PRKD3: variants seen among roughly 807,000 people sequenced by gnomAD.
PRKD3 encodes serine/threonine-protein kinase D3.
In PRKD3, 47 loss-of-function variants were observed where a neutral mutation model predicts 99.2. The ratio of observed to expected loss-of-function variants is 0.47; its 90% CI spans 0.38 to 0.60. The LOEUF is 0.60. Ranked by LOEUF, PRKD3 falls within the 20% of genes least tolerant of loss-of-function variation. PRKD3 has a pLI of 0.00. For missense variants in PRKD3, 1,019 were observed against 1,088.4 expected (o/e 0.94, Z 0.90); for synonymous variants, 392 against 355.4 (o/e 1.10, Z -1.16).
chr2:37,260,755 C>CT (rs2148496467), intron 14 of PRKD3, among the ~76,000 whole-genome samples: 1 of 152,296 alleles, frequency 6.6e-6, no homozygotes, highest in East Asian at 1.9e-4. Context: ...ACCTTTGACT[C>CT]TTGGGGGCTG....
intron 5 of PRKD3, among the ~76,000 whole-genome samples, 158 bp downstream of exon 5, chr2:37,289,198 C>T (rs758859816): frequency 1.3e-5 from 2 of 152,024 alleles, no homozygotes; most frequent in African/African-American, 2.4e-5. Flanking sequence ...TCATTACTAC[C>T]GGTAAGTCCT....
chr2:37,316,485 C>A lies in PRKD3; in HGVS notation c.40G>T (p.Val14Leu). 6.2e-7 allele frequency: 1 copy of A among 1,614,264 alleles called. No homozygotes were observed. The highest frequency in any genetic ancestry group is 1.1e-5 in the South Asian group (1 of 91,088). Residue 14 changes from valine (V) to leucine (L), a missense_variant, in exon 2 of 19, where the codon GTA becomes TTA. By Grantham distance (32) the Val-to-Leu change is conservative (BLOSUM62 1). Around this residue, in one of 3 missense-constraint regions of PRKD3, gnomAD observed 710 missense variants for 692.7 expected, o/e 1.02. Coordinates refer to ENST00000234179, the MANE Select transcript of PRKD3 (RefSeq NM_005813.6). Reference sequence around the variant, plus strand: ...ACAGCAGGAATAGCTGTGGGTAATACAGACTTCTGGGCTGATGGAGGGGAA... The same window carrying A: ...ACAGCAGGAATAGCTGTGGGTAATAAAGACTTCTGGGCTGATGGAGGGGAA... Reference protein sequence around the residue: ...NNSPPSAQKSVLPTAIPAVLP... With the variant: ...NNSPPSAQKSLLPTAIPAVLP...
intron 2 of PRKD3, among the ~76,000 whole-genome samples, chr2:37,313,449 T>C (rs936043371): frequency 6.6e-6 from 1 of 151,596 alleles, no homozygotes; most frequent in African/African-American, 2.4e-5. Context: ...AAGGGACAAA[T>C]AGAAAACAGC....
chr2:37,271,848 C>G (rs1219621474), intron 12 of PRKD3, among the ~76,000 whole-genome samples: 2 of 152,190 alleles, frequency 1.3e-5, no homozygotes, highest in African/African-American at 2.4e-5. Context: ...AAGGTACTTA[C>G]TAAAAAGTTT....
intron 14 of PRKD3, 30 bp from the exon 15 acceptor site, chr2:37,260,414 A>G: frequency 1.3e-6 from 2 of 1,574,512 alleles, no homozygotes; most frequent in South Asian, 1.1e-5. Context: ...TACATGAGCA[A>G]CTTAAGCAGA....
intron 2 of PRKD3, among the ~76,000 whole-genome samples, chr2:37,315,105 A>AT (rs1671601329): frequency 6.6e-6 from 1 of 152,256 alleles, no homozygotes; most frequent in Non-Finnish European, 1.5e-5. Flanking sequence ...CCAGAGAGAG[A>AT]TGATTTTTGC....
chr2:37,317,073 G>A lies in PRKD3; in HGVS notation c.-549C>T. ...GTCCTCATTTTCATTCTGGGGGGATGAACTTTTCTATGACGAAATACAAAG... is the reference window on the plus strand; with the variant it reads ...GTCCTCATTTTCATTCTGGGGGGATAAACTTTTCTATGACGAAATACAAAG... On this transcript the variant is annotated 5_prime_UTR_variant, in exon 2 of 19. Transcript: ENST00000234179. 9 of 985,472 alleles carry A rather than the reference G, an allele frequency of 9.1e-6. No homozygotes were observed. Among genetic ancestry groups the A allele is most frequent in the Non-Finnish European group, 1.1e-5 (9 of 830,016 alleles). 61.0% of individuals were successfully genotyped at this position (985,472 alleles called of 1,614,324 possible). A position where few individuals can be genotyped will look rare whatever the true frequency, so the allele number is the denominator to read the frequency against.
At chr2:37,256,639 T>C (rs759733916) in intron 17 of PRKD3, 23 bp downstream of exon 17, 1 of 1,312,232 alleles carries the variant, frequency 7.6e-7, no homozygotes, top group Non-Finnish European at 9.8e-7. Flanking sequence ...TTTTTTTTTT[T>C]TTTTTTTTTT....
At chr2:37,271,959 C>G (rs1210913140) in intron 12 of PRKD3, among the ~76,000 whole-genome samples, 1 of 152,142 alleles carries the variant, frequency 6.6e-6, no homozygotes, top group Non-Finnish European at 1.5e-5. Flanking sequence ...TTCCTGCTTC[C>G]CTGTTTGTTC....
intron 7 of PRKD3, 25 bp from the exon 8 acceptor site, chr2:37,279,954 A>T: frequency 6.6e-7 from 1 of 1,509,264 alleles, no homozygotes; most frequent in Non-Finnish European, 9.1e-7. Context: ...AATGAATTTC[A>T]GAGTTTTATA....
In PRKD3 at chr2:37,286,206, C is replaced by T; in HGVS notation, c.881G>A (p.Gly294Asp). 1.2e-6 allele frequency: 2 copies of T among 1,613,174 alleles called. No individual in the cohort carries two copies. The highest frequency in any genetic ancestry group is 1.7e-6 in the Non-Finnish European group (2 of 1,179,416). Residue 294 changes from glycine (G) to aspartate (D), a missense_variant, in exon 6 of 19, where the codon GGC (glycine) becomes GAC (aspartate). Around this residue, in one of 3 missense-constraint regions of PRKD3, gnomAD observed 710 missense variants for 692.7 expected, o/e 1.02. Coordinates refer to ENST00000234179, the MANE Select transcript of PRKD3 (RefSeq NM_005813.6). The stretch of plus-strand genomic sequence containing the variant: ...ACACTGCATTCCTTGGCGAAAGAGG[C>T]CTTTCAGTAACCGCTTGCAGTACTG... ...ICQYCKRLLKGLFRQGMQCKD... is the reference protein window; with the variant it reads ...ICQYCKRLLKDLFRQGMQCKD...
chr2:37,282,374 A>C (rs1669893556), intron 7 of PRKD3, 168 bp downstream of exon 7: 1 of 565,772 alleles, frequency 1.8e-6, no homozygotes, highest in Non-Finnish European at 3.2e-6. Context: ...GTGATTACTA[A>C]TAAATGTATA....
At chr2:37,315,377 G>A (rs371605417) in intron 2 of PRKD3, among the ~76,000 whole-genome samples, 5 of 152,080 alleles carry the variant, frequency 3.3e-5, no homozygotes, top group African/African-American at 9.7e-5. Flanking sequence ...ATATTTTGTC[G>A]TATATTCAAA....
chr2:37,299,694 A>AAC (rs1670836827), intron 2 of PRKD3, among the ~76,000 whole-genome samples: 1 of 151,822 alleles, frequency 6.6e-6, no homozygotes, highest in Admixed American at 6.6e-5. Context: ...ACAACAACAA[A>AAC]AAAAGAAAAT....
chr2:37,318,014 C>T (rs150513713), intron 1 of PRKD3: 1,599 of 151,764 alleles, frequency 0.011, 15 homozygotes, highest in Middle Eastern at 0.017. Context: ...CTCCACATGG[C>T]TTAGGCGTGA....
In PRKD3 at chr2:37,279,789, C is replaced by T; in HGVS notation, c.1129G>A (p.Asp377Asn). 1.2e-6 allele frequency: 2 copies of T among 1,613,766 alleles called. No homozygotes were observed. The highest frequency in any genetic ancestry group is 8.5e-7 in the Non-Finnish European group (1 of 1,179,888). ...TCTTCATCTCTTTCCACATCGAGAT[C>T]AGATGGATCCAAGAAGAACATCTTA... ...EDKMFFLDPSDLDVERDEEAV... is the reference protein window; with the variant it reads ...EDKMFFLDPSNLDVERDEEAV... Residue 377 changes from aspartate to asparagine, a missense_variant, in exon 8 of 19, where the codon GAT becomes AAT. Asp to Asn is a conservative substitution (Grantham distance 23). Around this residue, in one of 3 missense-constraint regions of PRKD3, gnomAD observed 710 missense variants for 692.7 expected, o/e 1.02. Coordinates refer to ENST00000234179, the MANE Select transcript of PRKD3 (RefSeq NM_005813.6).
At chr2:37,320,779 T>C (rs1172465319) in intron 1 of PRKD3, among the ~76,000 whole-genome samples, 1 of 152,224 alleles carries the variant, frequency 6.6e-6, no homozygotes, top group Non-Finnish European at 1.5e-5. Flanking sequence ...CTAAATATCA[T>C]TTTATTATAC....
chr2:37,292,206 TG>T (rs778750870), intron 3 of PRKD3, among the ~76,000 whole-genome samples: 14 of 151,938 alleles, frequency 9.2e-5, no homozygotes, highest in Non-Finnish European at 1.6e-4. Flanking sequence ...GAAATGGGGG[TG>T]GGGGAAGGGG....
chr2:37,261,501 C>T (rs562842277), intron 14 of PRKD3, among the ~76,000 whole-genome samples: 2 of 151,946 alleles, frequency 1.3e-5, no homozygotes, highest in African/African-American at 4.8e-5. Context: ...AAAAAAAAGG[C>T]CGGGCGCGGT....
Sources: allele counts gnomAD v4.1 joint callset (sites outside exome capture counted in the v4.1 genomes callset), GRCh38; gene constraint gnomAD v4.1.1; regional missense constraint gnomAD v4.1.1; transcripts MANE v1.5; gene names NCBI Gene and HGNC (gene_info 2026-07-23, HGNC 2026-07-21).